CADPS: variants seen among roughly 807,000 people sequenced by gnomAD.
CADPS encodes the protein calcium-dependent secretion activator 1.
A neutral mutation model predicts 167.3 loss-of-function variants in CADPS; 57 were observed. The ratio of observed to expected loss-of-function variants is 0.34; its 90% CI spans 0.28 to 0.42. The LOEUF (loss-of-function observed/expected upper bound fraction) is 0.42. Ranked by LOEUF, CADPS falls within the 20% of genes least tolerant of loss-of-function variation. The pLI is 1.00. For missense variants in CADPS, 1,414 were observed against 1,738.1 expected (o/e 0.81, Z 3.32); for synonymous variants, 676 against 635.3 (o/e 1.06, Z -0.96).
intron 7 of CADPS, 47 bp downstream of exon 7, chr3:62,592,590 G>T: frequency 6.9e-7 from 1 of 1,439,250 alleles, no homozygotes; most frequent in African/African-American, 1.4e-5. Flanking sequence ...AGACCTAGCT[G>T]GGGAAATCCT....
At chr3:62,697,205 C>T (rs890997320) in intron 3 of CADPS, among the ~76,000 whole-genome samples, 14 of 151,928 alleles carry the variant, frequency 9.2e-5, no homozygotes, top group African/African-American at 3.4e-4. Context: ...TTTTGGTGTA[C>T]CCTTCAGCCG....
intron 1 of CADPS, among the ~76,000 whole-genome samples, chr3:62,861,259 T>C (rs753288471): frequency 6.6e-6 from 1 of 152,208 alleles, no homozygotes; most frequent in Non-Finnish European, 1.5e-5. Flanking sequence ...GAAGAGTTTT[T>C]GCACCTGCAG....
intron 1 of CADPS, among the ~76,000 whole-genome samples, chr3:62,819,311 T>C (rs994656074): frequency 2.0e-5 from 3 of 152,162 alleles, no homozygotes; most frequent in Admixed American, 6.6e-5. Context: ...ATGATTTTTA[T>C]TTTTTGCTAC....
At chr3:62,657,356 C>G (rs753738948) in intron 4 of CADPS, among the ~76,000 whole-genome samples, 42 of 152,254 alleles carry the variant, frequency 2.8e-4, no homozygotes, top group Non-Finnish European at 5.7e-4. Flanking sequence ...ACTACAAAAG[C>G]TGTATGATTT....
chr3:62,755,838 CT>C (rs1288953632), intron 2 of CADPS, among the ~76,000 whole-genome samples: 5 of 152,072 alleles, frequency 3.3e-5, no homozygotes, highest in Non-Finnish European at 7.4e-5. Context: ...ATCTGCAAAC[CT>C]GTAACACTTA....
At chr3:62,687,727 C>T (rs1580434901) in intron 3 of CADPS, among the ~76,000 whole-genome samples, 1 of 126,252 alleles carries the variant, frequency 7.9e-6, no homozygotes, top group South Asian at 2.7e-4. Flanking sequence ...TCCGGGGTTC[C>T]CTTCGCATTT....
At position 62,458,247 on chromosome 3, in the gene CADPS, G is replaced by A. The variant is rs1180598699; in HGVS notation, c.3636+7120C>T. On this transcript the variant is annotated intron_variant, in intron 26 of 29. Transcript: ENST00000383710. This position sits in a 1 kb window ranked among gnomAD's most constrained non-coding sequence, Gnocchi z 4.6. ...TCTCTTATTAGCCCAGTGGCTCTCT[G>A]AGGCAGCTATCAGCATTCCCACTGT... Among the ~76,000 whole-genome samples, 2 of 152,112 alleles carry A rather than the reference G, an allele frequency of 1.3e-5. No individual in the cohort carries two copies. The highest frequency in any genetic ancestry group is 2.9e-5 in the Non-Finnish European group (2 of 68,026).
At chr3:62,817,888 T>G (rs911541847) in intron 1 of CADPS, among the ~76,000 whole-genome samples, 1 of 152,172 alleles carries the variant, frequency 6.6e-6, no homozygotes, top group Non-Finnish European at 1.5e-5. Context: ...AATGTCTATA[T>G]TACCACATTT....
At chr3:62,662,278 C>A (rs1325995374) in intron 4 of CADPS, 36 bp downstream of exon 4, 1 of 1,564,678 alleles carries the variant, frequency 6.4e-7, no homozygotes, top group Non-Finnish European at 8.8e-7. Flanking sequence ...GGGACTTTGG[C>A]CTGGACCCCA....
At chr3:62,752,210 T>C (rs1011945993) in intron 3 of CADPS, among the ~76,000 whole-genome samples, 8 of 152,170 alleles carry the variant, frequency 5.3e-5, no homozygotes, top group Non-Finnish European at 1.2e-4. Context: ...CTAAAACTGC[T>C]ACATGGTGGG....
At chr3:62,440,244 T>A (rs762364345) in intron 27 of CADPS, 8 of 152,146 alleles carry the variant, frequency 5.3e-5, no homozygotes, top group Non-Finnish European at 1.0e-4. Context: ...TTTTTCAAGC[T>A]CTTCAGTCAC....
At chr3:62,403,024 A>G in intron 29 of CADPS, 57 bp downstream of exon 29, 1 of 1,098,392 alleles carries the variant, frequency 9.1e-7, no homozygotes, top group Non-Finnish European at 1.4e-6. Flanking sequence ...GCAGCTTGCC[A>G]GTGAAATATA....
chr3:62,792,325 T>G (rs1452472849), intron 1 of CADPS, among the ~76,000 whole-genome samples: 5 of 151,770 alleles, frequency 3.3e-5, no homozygotes, highest in African/African-American at 1.2e-4. Context: ...CACCTTAGCC[T>G]CCTGAGCAGC....
chr3:62,843,136 A>G (rs1419579791), intron 1 of CADPS, among the ~76,000 whole-genome samples: 3 of 152,208 alleles, frequency 2.0e-5, no homozygotes, highest in Non-Finnish European at 4.4e-5. Flanking sequence ...GAAAACATTA[A>G]CAGGTGATTT....
At chr3:62,872,183 G>A (rs1295930466) in intron 1 of CADPS, among the ~76,000 whole-genome samples, 1 of 152,018 alleles carries the variant, frequency 6.6e-6, no homozygotes, top group Non-Finnish European at 1.5e-5. Context: ...TTTACAACTA[G>A]TTTATCTTTC....
At chr3:62,864,978 T>C (rs2081422369) in intron 1 of CADPS, among the ~76,000 whole-genome samples, 1 of 152,164 alleles carries the variant, frequency 6.6e-6, no homozygotes. Flanking sequence ...TACATAGAAG[T>C]GGCTCAAACA....
chr3:62,779,191 GC>G, intron 1 of CADPS: 1 of 236,658 alleles, frequency 4.2e-6, no homozygotes, highest in Admixed American at 4.8e-5. Flanking sequence ...CTTGCTAGAT[GC>G]CTTTGGAGCT....
intron 1 of CADPS, among the ~76,000 whole-genome samples, chr3:62,809,840 AAGACACTGTAGGTG>A (rs2094309794): frequency 6.6e-6 from 1 of 152,154 alleles, no homozygotes; most frequent in African/African-American, 2.4e-5. Context: ...TCAGAATATA[AAGACACTGTAGGTG>A]TTTATTTAAT....
At chr3:62,473,710 A>G (rs2060902320) in intron 24 of CADPS, 1 of 151,822 alleles carries the variant, frequency 6.6e-6, no homozygotes, top group Non-Finnish European at 1.5e-5. Context: ...TTTTTTTGGA[A>G]ATTCAGAACC....
Sources: gnomAD v4.1 joint callset for allele counts (sites outside exome capture counted in the v4.1 genomes callset) on GRCh38, gnomAD v4.1.1 for gene constraint, Gnocchi (gnomAD v3.1) non-coding constraint, MANE v1.5 for transcripts, NCBI Gene and HGNC (gene_info 2026-07-23, HGNC 2026-07-21) for gene names.